Variants in RFX4 observed in about 807,000 individuals in gnomAD.
RFX4 encodes the protein transcription factor RFX4.
RFX4 carries 10 observed loss-of-function variants against 95.0 expected under a neutral mutation model. The observed-to-expected ratio is 0.11, with a 90% CI of 0.06 to 0.18. The LOEUF is 0.18. Ranked by LOEUF, RFX4 falls within the 10% of genes least tolerant of loss-of-function variation. The pLI, the probability that RFX4 is intolerant of heterozygous loss-of-function variation, is 1.00. For synonymous variants in RFX4, 321 were observed against 340.7 expected (o/e 0.94, Z 0.64); for missense variants, 640 against 922.0 (o/e 0.69, Z 3.96).
chr12:106,611,140 T>C (rs1266997244), intron 2 of RFX4, among the ~76,000 whole-genome samples: 1 of 152,200 alleles, frequency 6.6e-6, no homozygotes, highest in Non-Finnish European at 1.5e-5. Context: ...GTCTAAGTCC[T>C]TTGCCCATTT....
intron 4 of RFX4, among the ~76,000 whole-genome samples, chr12:106,671,402 T>G (rs75921321): frequency 0.029 from 4,440 of 151,880 alleles, 250 homozygotes; most frequent in African/African-American, 0.1. Flanking sequence ...TCTGGGGGTG[T>G]CTCTTGAGGC....
intron 13 of RFX4, 45 bp from the exon 14 acceptor site, chr12:106,732,085 C>G: frequency 6.2e-7 from 1 of 1,602,964 alleles, no homozygotes; most frequent in South Asian, 1.1e-5. Context: ...GGGGCATACA[C>G]GAGACAGCAC....
chr12:106,601,312 C>T (rs145238438), intron 1 of RFX4: 109 of 1,595,494 alleles, frequency 6.8e-5, no homozygotes, highest in Admixed American at 4.4e-4. Flanking sequence ...GTGCGGGAGG[C>T]GACAGGACCA....
At chr12:106,597,797 C>T (rs1404105980) in intron 1 of RFX4, among the ~76,000 whole-genome samples, 1 of 152,092 alleles carries the variant, frequency 6.6e-6, no homozygotes, top group Non-Finnish European at 1.5e-5. Context: ...GAATTTGAGG[C>T]TGTGGTGAGC....
At chr12:106,671,256 G>T (rs2041274944) in intron 4 of RFX4, among the ~76,000 whole-genome samples, 1 of 152,116 alleles carries the variant, frequency 6.6e-6, no homozygotes, top group Non-Finnish European at 1.5e-5. Context: ...ACCTACTGAG[G>T]GTGGGTGGAA....
rs183613200 is a variant in RFX4 at position 106,715,973 on chromosome 12, C to T, written c.1138+429C>T. Among the ~76,000 whole-genome samples the T allele has an allele frequency of 1.9e-3, 286 of 152,236 alleles. 1 individual carries two copies. The highest frequency in any genetic ancestry group is 6.5e-3 in the African/African-American group (268 of 41,536). ...TATTGGTAGGTGAACCTTTCAATCA[C>T]GTTAAATGTCTGAGAAGCAGGTGGA... On this transcript the variant is annotated intron_variant, in intron 11 of 17. Transcript: ENST00000392842.
intron 15 of RFX4, among the ~76,000 whole-genome samples, chr12:106,745,224 T>TGGATTTAACCATCA (rs1304206429): frequency 1.3e-5 from 2 of 152,328 alleles, no homozygotes; most frequent in East Asian, 3.9e-4. Flanking sequence ...TAAATTCTTT[T>TGGATTTAACCATCA]GGATTTAACC....
At chr12:106,601,223 C>CGCCACT in intron 1 of RFX4, 1 of 1,548,922 alleles carries the variant, frequency 6.5e-7, no homozygotes, top group Non-Finnish European at 8.7e-7. Flanking sequence ...TCCTGTGTGT[C>CGCCACT]GCCACTGCCA....
At chr12:106,706,395 T>G (rs2042086621) in intron 8 of RFX4, among the ~76,000 whole-genome samples, 1 of 152,168 alleles carries the variant, frequency 6.6e-6, no homozygotes, top group South Asian at 2.1e-4. Flanking sequence ...CAGGGCAGGA[T>G]GGACTCAGGA....
At chr12:106,655,154 TC>T (rs2040931267) in intron 4 of RFX4, among the ~76,000 whole-genome samples, 1 of 151,992 alleles carries the variant, frequency 6.6e-6, no homozygotes. Flanking sequence ...CCTTTTCAGA[TC>T]CCCAAAAGAT....
chr12:106,735,186 T>C lies in RFX4; in HGVS notation c.1633+2101T>C, dbSNP rs185472532. Among the ~76,000 whole-genome samples, 289 of 152,142 alleles carry C rather than the reference T, an allele frequency of 1.9e-3. 3 individuals are homozygous for C. The South Asian group carries it at 0.021, about 11-fold the overall frequency. On this transcript the variant is annotated intron_variant, in intron 15 of 17. Transcript: ENST00000392842. ...AATAGATAGGTTGAATATTAGAAAA[T>C]TAGATTCAACTGAAAGAGATCAGTA...
intron 1 of RFX4, chr12:106,585,982 A>G (rs1227659096): frequency 6.6e-6 from 1 of 152,226 alleles, no homozygotes; most frequent in Non-Finnish European, 1.5e-5. Context: ...AGCCAGTAAT[A>G]TATTCCTCGG....
chr12:106,591,281 T>C (rs866500969), intron 1 of RFX4, among the ~76,000 whole-genome samples: 41 of 145,418 alleles, frequency 2.8e-4, no homozygotes, highest in African/African-American at 1.0e-3. Flanking sequence ...TTTTTTTTTT[T>C]TTTTTTGACG....
At chr12:106,744,530 G>T (rs2042858544) in intron 15 of RFX4, among the ~76,000 whole-genome samples, 1 of 152,136 alleles carries the variant, frequency 6.6e-6, no homozygotes, top group Non-Finnish European at 1.5e-5. Context: ...AAGAGTGTTT[G>T]CATACCATTA....
chr12:106,635,852 G>A (rs2040500208), intron 2 of RFX4, among the ~76,000 whole-genome samples: 1 of 152,162 alleles, frequency 6.6e-6, no homozygotes, highest in Non-Finnish European at 1.5e-5. Context: ...TTTTCCCTCA[G>A]AGATATAAGG....
intron 17 of RFX4, among the ~76,000 whole-genome samples, chr12:106,759,908 T>C (rs1302115062): frequency 6.6e-6 from 1 of 152,136 alleles, no homozygotes; most frequent in Non-Finnish European, 1.5e-5. Flanking sequence ...CTGGTTCTCT[T>C]TGCATGCTTC....
At position 106,750,719 on chromosome 12, in the gene RFX4, T is replaced by C; in HGVS notation, c.1861T>C (p.Tyr621His). Residue 621 changes from tyrosine to histidine, a missense_variant, in exon 17 of 18, where the codon TAT becomes CAT. By Grantham distance (83) the Tyr-to-His change is moderately conservative (BLOSUM62 2). This residue lies in a region of RFX4 where 300 missense variants were observed against 346.8 expected (regional missense o/e 0.87). Transcript: ENST00000392842. ...NQHPHPMQSQ[Y>H]PALPHDTAIS... is the part of the protein sequence containing the mutation. ...GCATCCTCACCCCATGCAGAGCCAG[T>C]ATCCGGCCCTCCCTCATGACACAGC... The C allele has an allele frequency of 1.9e-6, 3 of 1,612,320 alleles. No individual in the cohort carries two copies. The highest frequency in any genetic ancestry group is 1.7e-6 in the Non-Finnish European group (2 of 1,179,372).
intron 8 of RFX4, among the ~76,000 whole-genome samples, chr12:106,703,412 C>G (rs921537938): frequency 2.0e-5 from 3 of 152,114 alleles, no homozygotes; most frequent in African/African-American, 7.2e-5. Context: ...TTCAAATGTT[C>G]TACATTAAGA....
intron 10 of RFX4, among the ~76,000 whole-genome samples, chr12:106,714,073 A>AAAAAAAAAAAAAAAAAC (rs2042241751): frequency 6.7e-6 from 1 of 149,408 alleles, no homozygotes; most frequent in Non-Finnish European, 1.5e-5. Context: ...CATCTCAAAA[A>AAAAAAAAAAAAAAAAAC]AAAAAAAAAA....
Sources: allele counts gnomAD v4.1 joint callset (sites outside exome capture counted in the v4.1 genomes callset), GRCh38; gene constraint gnomAD v4.1.1; regional missense constraint gnomAD v4.1.1; transcripts MANE v1.5; gene names NCBI Gene and HGNC (gene_info 2026-07-23, HGNC 2026-07-21).